SKAP1: variants seen among roughly 807,000 people sequenced by gnomAD.
SKAP1 encodes the protein src kinase associated phosphoprotein 1, also known as src kinase-associated phosphoprotein 1.
A neutral mutation model predicts 58.5 loss-of-function variants in SKAP1; 44 were observed. That is an observed-to-expected ratio of 0.75 (90% CI 0.59 to 0.97). SKAP1 has a LOEUF of 0.97. SKAP1 is among the 50% of genes least tolerant of loss of function. SKAP1 has a pLI of 0.00. For synonymous variants in SKAP1, 127 were observed against 149.7 expected (o/e 0.85, Z 1.11); for missense variants, 390 against 435.2 (o/e 0.90, Z 0.92).
At chr17:48,178,580 A>T (rs904194929) in intron 9 of SKAP1, among the ~76,000 whole-genome samples, 21 of 152,108 alleles carry the variant, frequency 1.4e-4, no homozygotes, top group African/African-American at 5.1e-4. Flanking sequence ...TCAATTTTCC[A>T]CTCTATAAAA....
At chr17:48,359,813 C>A (rs1342172279) in intron 3 of SKAP1, among the ~76,000 whole-genome samples, 1 of 151,992 alleles carries the variant, frequency 6.6e-6, no homozygotes, top group African/African-American at 2.4e-5. Context: ...ACCATGTTGC[C>A]CAGATTGATC....
At chr17:48,229,632 A>C (rs2065106165) in intron 4 of SKAP1, among the ~76,000 whole-genome samples, 1 of 152,076 alleles carries the variant, frequency 6.6e-6, no homozygotes, top group Non-Finnish European at 1.5e-5. Flanking sequence ...AAAATAAATA[A>C]ATAAATAAAA....
intron 2 of SKAP1, among the ~76,000 whole-genome samples, chr17:48,391,964 G>A (rs1216724935): frequency 6.6e-6 from 1 of 151,772 alleles, no homozygotes; most frequent in Non-Finnish European, 1.5e-5. Flanking sequence ...GTTTTGTTTT[G>A]GGGATTTTTA....
At chr17:48,195,094 G>C (rs957217808) in intron 4 of SKAP1, among the ~76,000 whole-genome samples, 6 of 152,056 alleles carry the variant, frequency 3.9e-5, no homozygotes, top group African/African-American at 1.2e-4. Context: ...GTTGGGGAGG[G>C]GGTAGTTTTC....
intron 11 of SKAP1, among the ~76,000 whole-genome samples, chr17:48,157,584 C>T (rs1028453373): frequency 5.4e-5 from 8 of 148,958 alleles, no homozygotes; most frequent in African/African-American, 1.7e-4. Context: ...GGCTGGAGTG[C>T]AGTGGCACTA....
chr17:48,373,613 G>C (rs530193698), intron 2 of SKAP1, among the ~76,000 whole-genome samples: 59 of 152,320 alleles, frequency 3.9e-4, no homozygotes, highest in African/African-American at 1.3e-3. Context: ...GGAGTGGTTA[G>C]ACAGAGGTCT....
chr17:48,212,816 C>T (rs1001921025), intron 4 of SKAP1, among the ~76,000 whole-genome samples: 3 of 152,154 alleles, frequency 2.0e-5, no homozygotes, highest in South Asian at 2.1e-4. Context: ...CTCATTGAAT[C>T]GTATGGCTAT....
Position 48,182,419 on chromosome 17 carries a change from C to T in SKAP1, c.606G>A (p.Val202=), listed in dbSNP as rs1326507144. The change falls in exon 8 of 13, where the codon GTG becomes GTA. Residue 202 remains valine (V), a synonymous_variant. Transcript: ENST00000336915. ...CCTTTAACAAGAAACTTATTTGATC[C>T]ACCCAGTCTCTGGCTTCTGCTGGAC... The part of the protein sequence containing the change: ...ATSPAEARDW[V]DQISFLLKDL... The T allele has an allele frequency of 1.2e-6, 2 of 1,609,192 alleles. No homozygotes were observed. Among genetic ancestry groups the T allele is most frequent in the Non-Finnish European group, 8.5e-7 (1 of 1,177,400 alleles).
chr17:48,207,875 C>G (rs762824560), intron 4 of SKAP1, among the ~76,000 whole-genome samples: 2 of 152,176 alleles, frequency 1.3e-5, no homozygotes, highest in African/African-American at 4.8e-5. Flanking sequence ...TTATCTGGAA[C>G]CTTCCACGTG....
chr17:48,345,778 C>T, intron 4 of SKAP1, 127 bp downstream of exon 4: 1 of 642,388 alleles, frequency 1.6e-6, no homozygotes, highest in Admixed American at 2.5e-5. Flanking sequence ...TCTTTGCAAA[C>T]TAGTGATTAC....
At chr17:48,230,398 A>T (rs1180548666) in intron 4 of SKAP1, among the ~76,000 whole-genome samples, 1 of 152,064 alleles carries the variant, frequency 6.6e-6, no homozygotes, top group East Asian at 1.9e-4. Context: ...TTGATGGGGG[A>T]GAGGGAAGAT....
Position 48,156,583 on chromosome 17 carries a change from C to T in SKAP1, c.978+5886G>A, listed in dbSNP as rs139632134. 583 of 396,444 alleles carry T rather than the reference C, an allele frequency of 1.5e-3. 3 individuals carry two copies. The highest frequency in any genetic ancestry group is 0.012 in the African/African-American group (550 of 47,238). 24.6% of individuals were successfully genotyped at this position (396,444 alleles called of 1,614,324 possible). On this transcript the variant is annotated intron_variant, in intron 11 of 12. Transcript: ENST00000336915. ...AGTCCAAAAGGAACACAGGAACATC[C>T]GCTGGATGCACAGATCTGCTTCGTT...
At chr17:48,379,488 T>C (rs11655672) in intron 2 of SKAP1, among the ~76,000 whole-genome samples, 46,283 of 152,066 alleles carry the variant, frequency 0.3, 7,278 homozygotes, top group Admixed American at 0.38. Flanking sequence ...GACATTTTCA[T>C]AAAATGCCTA....
chr17:48,160,713 TC>T (rs1403603723), intron 11 of SKAP1, among the ~76,000 whole-genome samples: 3 of 152,104 alleles, frequency 2.0e-5, no homozygotes, highest in Non-Finnish European at 2.9e-5. Context: ...GCTCTGTTCT[TC>T]CCCCCTCCTG....
At chr17:48,379,265 G>T (rs2067185841) in intron 2 of SKAP1, among the ~76,000 whole-genome samples, 1 of 152,116 alleles carries the variant, frequency 6.6e-6, no homozygotes. Context: ...CAATCAATTT[G>T]TTTCCTCATT....
chr17:48,134,129 T>C (rs2063670987), intron 12 of SKAP1, among the ~76,000 whole-genome samples: 1 of 152,228 alleles, frequency 6.6e-6, no homozygotes, highest in Non-Finnish European at 1.5e-5. Flanking sequence ...TTTTTTACTG[T>C]TGCATAATAT....
upstream of SKAP1, chr17:48,430,267 G>T: frequency 2.0e-6 from 1 of 497,842 alleles, no homozygotes; most frequent in Non-Finnish European, 3.0e-6. Flanking sequence ...GGGGCCGTGG[G>T]TCCCCGGGCG....
chr17:48,243,614 A>G (rs886361048), intron 4 of SKAP1, among the ~76,000 whole-genome samples: 3 of 152,202 alleles, frequency 2.0e-5, no homozygotes, highest in Non-Finnish European at 4.4e-5. Context: ...TTGTTTGAGC[A>G]TCAATATAAA....
At chr17:48,151,629 G>T (rs2063903632) in intron 11 of SKAP1, among the ~76,000 whole-genome samples, 1 of 152,252 alleles carries the variant, frequency 6.6e-6, no homozygotes, top group Non-Finnish European at 1.5e-5. Context: ...CAATTATTCG[G>T]ATGGGCTACA....
Sources: gnomAD v4.1 joint callset for allele counts (sites outside exome capture counted in the v4.1 genomes callset) on GRCh38, gnomAD v4.1.1 for gene constraint, MANE v1.5 for transcripts, NCBI Gene and HGNC (gene_info 2026-07-23, HGNC 2026-07-21) for gene names.